The following GLB1L3 variants were observed in gnomAD, a reference collection of about 807,000 sequenced individuals.
The protein encoded by GLB1L3 is beta-galactosidase-1-like protein 3.
GLB1L3 carries 89 observed loss-of-function variants against 89.5 expected under a neutral mutation model. The ratio of observed to expected loss-of-function variants is 0.99; its 90% CI spans 0.84 to 1.19. GLB1L3 has a LOEUF of 1.19. Ranked by LOEUF, GLB1L3 falls within the 50% of genes most tolerant of loss-of-function variation. The pLI, the probability that GLB1L3 is intolerant of heterozygous loss-of-function variation, is 0.00. For synonymous variants in GLB1L3, 314 were observed against 312.3 expected, an observed-to-expected ratio of 1.01 and a Z score of -0.06; for missense variants, 812 against 813.3, an observed-to-expected ratio of 1.00 and a Z score of 0.02.
At chr11:134,299,732 T>TCC (rs923280850) in intron 9 of GLB1L3, among the ~76,000 whole-genome samples, 17 of 152,282 alleles carry the variant, frequency 1.1e-4, no homozygotes, top group African/African-American at 4.1e-4. Context: ...GAGAAAGGCT[T>TCC]CCCCTGATGT....
Position 134,297,774 on chromosome 11 carries a change from C to G in GLB1L3, c.876+4565C>G, listed in dbSNP as rs999816906. Among the ~76,000 whole-genome samples the G allele has an allele frequency of 2.0e-5, 3 of 146,832 alleles. No individual in the cohort carries two copies. In the Admixed American group the frequency reaches 2.1e-4, roughly 10 times the overall value. On this transcript the variant is annotated intron_variant, in intron 9 of 19. Transcript: ENST00000431683. ...ACTTGGGAGGCTGAGGCAGGAGAAT[C>G]GCTTGAACCCAGGAGGTGGAGGTAG...
intron 13 of GLB1L3, 81 bp from the exon 14 acceptor site, chr11:134,312,268 G>C: frequency 6.7e-7 from 1 of 1,502,832 alleles, no homozygotes; most frequent in Non-Finnish European, 9.1e-7. Context: ...CCATTAGGCA[G>C]GACCAAATGA....
chr11:134,311,092 TC>T lies in GLB1L3; in HGVS notation c.1211del (p.Pro404LeufsTer9), dbSNP rs2078606726. ...CTCCCCTGCCCCGAGTACCCAAACT[TC>T]CTCCCAAGGCTGTGTATCCCCCCGT... ...ATPLPRVPKLPPKAVYPPVRP... is the reference protein window; with the variant it reads ...ATPLPRVPKLXPKAVYPPVRP... On this transcript the variant is annotated frameshift_variant, in exon 13 of 20. Transcript: ENST00000431683. LOFTEE classifies it high-confidence loss of function. 6.2e-7 allele frequency: 1 copy of T among 1,613,674 alleles called. No individual in the cohort carries two copies. The highest frequency in any genetic ancestry group is 8.5e-7 in the Non-Finnish European group (1 of 1,179,802).
Position 134,312,399 on chromosome 11 carries a change from T to A in GLB1L3, c.1338T>A (p.Asn446Lys), listed in dbSNP as rs1479766770. 2 of 1,613,674 alleles carry A rather than the reference T, an allele frequency of 1.2e-6. No individual in the cohort carries two copies. The highest frequency in any genetic ancestry group is 1.7e-6 in the Non-Finnish European group (2 of 1,179,872). The change falls in exon 14 of 20, where the codon AAT becomes AAA. Residue 446 changes from asparagine to lysine, a missense_variant. Physicochemically the swap from Asn to Lys is moderately conservative, Grantham distance 94 (BLOSUM62 0). Transcript: ENST00000431683. Reference sequence around the variant, plus strand: ...ACATGGAGAACCTTCCCATAAACAATGGGAGCGGCCAGTCCTACGGGCTTG... The same window carrying A: ...ACATGGAGAACCTTCCCATAAACAAAGGGAGCGGCCAGTCCTACGGGCTTG... Reference protein sequence around the residue: ...PVNMENLPINNGSGQSYGLVL... With the variant: ...PVNMENLPINKGSGQSYGLVL...
At chr11:134,312,951 C>T in intron 15 of GLB1L3, 64 bp downstream of exon 15, 1 of 1,124,750 alleles carries the variant, frequency 8.9e-7, no homozygotes, top group South Asian at 1.3e-5. Flanking sequence ...GAGCCTGGTC[C>T]TGAGACAGTC....
intron 3 of GLB1L3, among the ~76,000 whole-genome samples, chr11:134,279,846 C>T (rs947549998): frequency 6.6e-5 from 10 of 151,952 alleles, no homozygotes; most frequent in Admixed American, 4.6e-4. Flanking sequence ...CTGTATATTT[C>T]GGATCTGTAT....
chr11:134,283,417 G>A (rs993794487), intron 5 of GLB1L3, among the ~76,000 whole-genome samples: 1 of 152,200 alleles, frequency 6.6e-6, no homozygotes, highest in Non-Finnish European at 1.5e-5. Context: ...CCAAAAGGTA[G>A]AAGAAAAAGC....
rs1285590941 is a variant in GLB1L3, at chr11:134,308,538, C to T, written c.962-1088C>T. 4.2e-4 allele frequency among the ~76,000 whole-genome samples: 29 copies of T among 69,320 alleles called. 1 individual carries two copies. Among genetic ancestry groups the T allele is most frequent in the Non-Finnish European group, 8.1e-4 (24 of 29,804 alleles). 45.5% of individuals were successfully genotyped at this position (69,320 alleles called of 152,430 possible). ...ACCACCATGTCCACCACCACTACCA[C>T]CACCATCACCATCACCATCACCACC... On this transcript the variant is annotated intron_variant, in intron 10 of 19. Transcript: ENST00000431683.
rs200318248 is a variant in GLB1L3 at position 134,312,370 on chromosome 11, G to A, written c.1309G>A (p.Val437Ile). 1.1e-4 allele frequency: 172 copies of A among 1,613,678 alleles called. 1 individual carries two copies. The East Asian group carries it at 1.4e-3, about 13-fold the overall frequency. Residue 437 changes from valine to isoleucine, a missense_variant, in exon 14 of 20, where the codon GTC (valine) becomes ATC (isoleucine). Physicochemically the swap from Val to Ile is conservative, Grantham distance 29. This residue lies in a region of GLB1L3 where 618 missense variants were observed against 604.0 expected (regional missense o/e 1.02). Coordinates refer to ENST00000431683, the MANE Select transcript of GLB1L3 (RefSeq NM_001080407.3). ...ATAGCCAGTCAGGTCGCGTCAGCCC[G>A]TCAACATGGAGAACCTTCCCATAAA... ...LNEPVRSRQP[V>I]NMENLPINNG...
chr11:134,281,843 G>C (rs1184157281), intron 4 of GLB1L3, among the ~76,000 whole-genome samples, 182 bp from the exon 5 acceptor site: 2 of 147,344 alleles, frequency 1.4e-5, no homozygotes, highest in Non-Finnish European at 3.0e-5. Context: ...GCTGTGCAGA[G>C]GCTCTGAGGC....
At chr11:134,300,304 T>C (rs1941870720) in intron 9 of GLB1L3, among the ~76,000 whole-genome samples, 1 of 151,304 alleles carries the variant, frequency 6.6e-6, no homozygotes, top group African/African-American at 2.4e-5. Context: ...CCAGACATAT[T>C]GGATTAGGGC....
chr11:134,308,342 CATCACCATCACCACT>C, intron 10 of GLB1L3, among the ~76,000 whole-genome samples: 2 of 45,254 alleles, frequency 4.4e-5, no homozygotes, highest in African/African-American at 9.4e-5. Flanking sequence ...CCATCACCAT[CATCACCATCACCACT>C]ACCACCACCA....
At chr11:134,300,630 G>A (rs1032426992) in intron 9 of GLB1L3, among the ~76,000 whole-genome samples, 20 of 152,048 alleles carry the variant, frequency 1.3e-4, no homozygotes, top group African/African-American at 4.3e-4. Context: ...CACCGCGCCC[G>A]GCCCCTATTG....
At chr11:134,304,558 C>G (rs1322404841) in intron 9 of GLB1L3, among the ~76,000 whole-genome samples, 1 of 152,118 alleles carries the variant, frequency 6.6e-6, no homozygotes, top group African/African-American at 2.4e-5. Context: ...ACTTTTCACT[C>G]CTTTTCTTTT....
At chr11:134,300,556 T>G (rs796950149) in intron 9 of GLB1L3, among the ~76,000 whole-genome samples, 13 of 151,990 alleles carry the variant, frequency 8.6e-5, no homozygotes, top group African/African-American at 1.7e-4. Flanking sequence ...GGATGGTCTC[T>G]ATCTCCTGAC....
chr11:134,285,597 G>GC (rs1219359611), intron 6 of GLB1L3, among the ~76,000 whole-genome samples: 1 of 152,004 alleles, frequency 6.6e-6, no homozygotes, highest in Non-Finnish European at 1.5e-5. Context: ...ACCAGCCTGA[G>GC]CAACATAGTG....
chr11:134,314,445 G>A lies in GLB1L3; in HGVS notation c.1779+4G>A. On this transcript the variant is annotated splice_donor_region_variant and intron_variant, in intron 18 of 19. Coordinates refer to ENST00000431683, the MANE Select transcript of GLB1L3 (RefSeq NM_001080407.3). ...GGACACCTTCCTGAGCCTGCTGGTA[G>A]GTGATGCCCTCTGCTGCCCTGGTGT... 1 of 1,527,508 alleles carries A rather than the reference G, an allele frequency of 6.5e-7. No individual in the cohort carries two copies. Among genetic ancestry groups the A allele is most frequent in the Non-Finnish European group, 8.9e-7 (1 of 1,125,058 alleles). 94.6% of individuals were successfully genotyped at this position (1,527,508 alleles called of 1,614,324 possible). A position where few individuals can be genotyped will look rare whatever the true frequency, so the allele number is the denominator to read the frequency against.
At chr11:134,298,690 A>AT (rs1334971897) in intron 9 of GLB1L3, among the ~76,000 whole-genome samples, 3 of 152,094 alleles carry the variant, frequency 2.0e-5, no homozygotes, top group Admixed American at 2.0e-4. Flanking sequence ...CTGGCATGTG[A>AT]TAAGTGCCTT....
rs1943076307 is a variant in GLB1L3, at chr11:134,318,546, A to G, written c.1780-85A>G. ...CATTTGAGTGCCATAAAGTATCTCA[A>G]TCTTGCTCTCACTCTCCAAGTGCCT... On this transcript the variant is annotated intron_variant, in intron 18 of 19. Coordinates refer to ENST00000431683, the MANE Select transcript of GLB1L3 (RefSeq NM_001080407.3). 1.2e-5 allele frequency: 9 copies of G among 774,464 alleles called. No individual in the cohort carries two copies. In the Admixed American group the frequency reaches 1.4e-4, roughly 12 times the overall value. 48.0% of individuals were successfully genotyped at this position (774,464 alleles called of 1,614,324 possible).
Sources: gnomAD v4.1 joint callset for allele counts (sites outside exome capture counted in the v4.1 genomes callset) on GRCh38, gnomAD v4.1.1 for gene constraint, gnomAD v4.1.1 regional missense constraint, MANE v1.5 for transcripts, NCBI Gene and HGNC (gene_info 2026-07-23, HGNC 2026-07-21) for gene names.